The following DACH2 variants were observed in gnomAD, a reference collection of about 807,000 sequenced individuals.
DACH2 encodes the protein dachshund family transcription factor 2.
Under a neutral mutation model 35.8 loss-of-function variants are expected in DACH2, and 17 were observed. That is an observed-to-expected ratio of 0.48 (90% CI 0.33 to 0.71). The LOEUF (loss-of-function observed/expected upper bound fraction) is 0.71, where lower values mean the gene tolerates loss of function less well. Among genes scored for constraint, DACH2 ranks in the 30% least tolerant of loss-of-function variants. The pLI is 0.02. For synonymous variants in DACH2, 195 were observed against 177.3 expected (o/e 1.10, Z -0.79); for missense variants, 469 against 472.7 (o/e 0.99, Z 0.07).
At chrX:86,493,312 T>C (rs2038120928) in intron 2 of DACH2, among the ~76,000 whole-genome samples, 1 of 111,358 alleles carries the variant, frequency 9.0e-6, no homozygotes, top group African/African-American at 3.3e-5. Context: ...GGTTCAATAC[T>C]ATTAGGTTCC....
At chrX:86,175,123 G>A (rs2031258348) in intron 1 of DACH2, among the ~76,000 whole-genome samples, 1 of 111,823 alleles carries the variant, frequency 8.9e-6, no homozygotes, top group Non-Finnish European at 1.9e-5. Context: ...CAAGGACTGA[G>A]TCCTGGGTCA....
chrX:86,420,516 T>C lies in DACH2; in HGVS notation c.527+43654T>C, dbSNP rs753706794. On this transcript the variant is annotated intron_variant, in intron 2 of 11. Transcript: ENST00000373125. The stretch of plus-strand genomic sequence containing the variant: ...AATATCATAGGTACTGTGCATGTAC[T>C]TGTGGCCAAACAGTTTTCTTTTTGT... Among the ~76,000 whole-genome samples the C allele has an allele frequency of 3.1e-4, 34 of 109,958 alleles. No homozygotes were observed. In the East Asian group the frequency reaches 4.1e-3, roughly 13 times the overall value.
chrX:86,220,098 G>A (rs1329311045), intron 1 of DACH2, among the ~76,000 whole-genome samples: 3 of 102,682 alleles, frequency 2.9e-5, no homozygotes, highest in Admixed American at 1.0e-4. Flanking sequence ...CCTGGGAGGC[G>A]GAGGTTGCAG....
At chrX:86,198,829 C>A (rs2032065263) in intron 1 of DACH2, among the ~76,000 whole-genome samples, 1 of 110,915 alleles carries the variant, frequency 9.0e-6, no homozygotes, top group Non-Finnish European at 1.9e-5. Context: ...TGAATTCTAT[C>A]AGATGTACAA....
intron 3 of DACH2, among the ~76,000 whole-genome samples, chrX:86,628,972 A>G (rs969231842): frequency 8.9e-6 from 1 of 112,464 alleles, no homozygotes; most frequent in African/African-American, 3.2e-5. Flanking sequence ...AGAAGTTAGC[A>G]CTACAATTTA....
chrX:86,663,128 C>T (rs780266354), intron 4 of DACH2, among the ~76,000 whole-genome samples: 5 of 110,940 alleles, frequency 4.5e-5, no homozygotes, highest in African/African-American at 1.6e-4. Flanking sequence ...CAAGAAACCG[C>T]TATTAAGACC....
At chrX:86,762,380 C>A (rs2041892241) in intron 7 of DACH2, among the ~76,000 whole-genome samples, 1 of 110,948 alleles carries the variant, frequency 9.0e-6, no homozygotes, top group African/African-American at 3.3e-5. Flanking sequence ...TGTATAAATT[C>A]TTATAATCTT....
At chrX:86,597,094 C>T (rs1014636601) in intron 3 of DACH2, among the ~76,000 whole-genome samples, 11 of 111,498 alleles carry the variant, frequency 9.9e-5, no homozygotes, top group Non-Finnish European at 2.1e-4. Flanking sequence ...TTTTTCTTTT[C>T]CAAGATGTTT....
chrX:86,577,840 C>A (rs767983224), intron 3 of DACH2, among the ~76,000 whole-genome samples: 34 of 111,452 alleles, frequency 3.1e-4, no homozygotes, highest in Non-Finnish European at 2.8e-4. Context: ...GTAGAGCTTT[C>A]GGATTGTTGA....
At chrX:86,629,745 G>C (rs1322941079) in intron 3 of DACH2, among the ~76,000 whole-genome samples, 1 of 109,483 alleles carries the variant, frequency 9.1e-6, no homozygotes, top group East Asian at 2.9e-4. Flanking sequence ...AAATTAGCCA[G>C]GCTTAGTGTC....
intron 2 of DACH2, among the ~76,000 whole-genome samples, chrX:86,412,973 C>T (rs922988180): frequency 8.1e-5 from 9 of 111,371 alleles, no homozygotes; most frequent in Non-Finnish European, 1.9e-5. Flanking sequence ...TTAAATAGGC[C>T]CACTAGGCAT....
At chrX:86,486,331 T>G (rs758101721) in intron 2 of DACH2, among the ~76,000 whole-genome samples, 1 of 111,768 alleles carries the variant, frequency 8.9e-6, no homozygotes, top group Non-Finnish European at 1.9e-5. Context: ...TCTATCACAG[T>G]ATTTTTTTGT....
intron 11 of DACH2, among the ~76,000 whole-genome samples, chrX:86,822,364 G>A (rs1181390591): frequency 8.9e-6 from 1 of 111,995 alleles, no homozygotes; most frequent in Non-Finnish European, 1.9e-5. Flanking sequence ...AAAAAAGAAA[G>A]GCAGGACCTA....
rs7878870 is a variant in DACH2, at chrX:86,458,654, G to A, written c.528-55625G>A. Among the ~76,000 whole-genome samples, 775 of 111,705 alleles carry A rather than the reference G, an allele frequency of 6.9e-3. 10 individuals are homozygous for A. Among genetic ancestry groups the A allele is most frequent in the African/African-American group, 0.024 (737 of 30,773 alleles). On this transcript the variant is annotated intron_variant, in intron 2 of 11. Transcript: ENST00000373125. ...ATTATCATAGTGGGCTATGAAAATT[G>A]GTTTTATGTTCAAATATGTACCAAA...
chrX:86,257,472 A>T (rs1385379420), intron 1 of DACH2, among the ~76,000 whole-genome samples: 1 of 110,712 alleles, frequency 9.0e-6, no homozygotes, highest in African/African-American at 3.3e-5. Context: ...GACAGGTGTG[A>T]TCTTGGTTCA....
At chrX:86,431,158 C>T (rs758314993) in intron 2 of DACH2, among the ~76,000 whole-genome samples, 1 of 111,424 alleles carries the variant, frequency 9.0e-6, no homozygotes, top group Non-Finnish European at 1.9e-5. Flanking sequence ...CAAAGAGAGA[C>T]CAGGAGCTGC....
intron 1 of DACH2, among the ~76,000 whole-genome samples, chrX:86,192,809 T>C (rs974839374): frequency 1.8e-5 from 2 of 112,282 alleles, no homozygotes; most frequent in African/African-American, 6.5e-5. Context: ...TAATTACTTG[T>C]TCCACAACTT....
At chrX:86,517,594 AT>A (rs1399558763) in intron 3 of DACH2, among the ~76,000 whole-genome samples, 1 of 109,494 alleles carries the variant, frequency 9.1e-6, no homozygotes, top group Non-Finnish European at 1.9e-5. Flanking sequence ...ATTTTTTTGT[AT>A]TTTTAGTAGA....
At chrX:86,432,402 CTGAG>C (rs1404702581) in intron 2 of DACH2, among the ~76,000 whole-genome samples, 5 of 112,034 alleles carry the variant, frequency 4.5e-5, no homozygotes, top group African/African-American at 1.6e-4. Context: ...TTCCCTGGTA[CTGAG>C]TGACAGTAAT....
Sources: allele counts gnomAD v4.1 joint callset (sites outside exome capture counted in the v4.1 genomes callset), GRCh38; gene constraint gnomAD v4.1.1; transcripts MANE v1.5; gene names NCBI Gene and HGNC (gene_info 2026-07-23, HGNC 2026-07-21).